LRBA: variants seen among roughly 807,000 people sequenced by gnomAD.
The protein encoded by LRBA is lipopolysaccharide-responsive and beige-like anchor protein.
A neutral mutation model predicts 330.0 loss-of-function variants in LRBA; 176 were observed. The observed-to-expected ratio is 0.53, with a 90% CI of 0.47 to 0.60. The LOEUF (loss-of-function observed/expected upper bound fraction) is 0.60, where lower values mean the gene tolerates loss of function less well. Among genes scored for constraint, LRBA ranks in the 20% least tolerant of loss-of-function variants. The probability of loss-of-function intolerance (pLI) is 0.00; values close to 1 mark genes in which losing one functional copy is unlikely to be tolerated. For missense variants in LRBA, 3,259 were observed against 3,444.8 expected (o/e 0.95, Z 1.35); for synonymous variants, 1,230 against 1,193.0 (o/e 1.03, Z -0.64).
At chr4:150,402,683 C>T (rs1015629639) in intron 47 of LRBA, among the ~76,000 whole-genome samples, 10 of 151,980 alleles carry the variant, frequency 6.6e-5, no homozygotes, top group Middle Eastern at 3.4e-3. Context: ...ATATAATACT[C>T]ACACAACTAT....
Position 150,600,386 on chromosome 4 carries a change from G to C in LRBA, c.5922-1255C>G, listed in dbSNP as rs577669884. On this transcript the variant is annotated intron_variant, in intron 37 of 56. Transcript: ENST00000651943. ...CCCAAGTAAAAGTTACCTTTATTTT[G>C]ATGTTTTAAAGATGTTCTCTTTAAA... Among the ~76,000 whole-genome samples the C allele has an allele frequency of 1.9e-4, 29 of 152,072 alleles. 2 individuals carry two copies. In the South Asian group the frequency reaches 5.6e-3, roughly 29 times the overall value.
intron 40 of LRBA, among the ~76,000 whole-genome samples, chr4:150,561,285 C>T (rs572295909): frequency 6.6e-6 from 1 of 152,188 alleles, no homozygotes; most frequent in Non-Finnish European, 1.5e-5. Context: ...CACTGTATTC[C>T]TTCTAAACCA....
At chr4:150,698,335 A>T (rs1784815327) in intron 36 of LRBA, among the ~76,000 whole-genome samples, 1 of 152,210 alleles carries the variant, frequency 6.6e-6, no homozygotes, top group African/African-American at 2.4e-5. Flanking sequence ...AGATACCATA[A>T]ACTGAAAGCT....
chr4:150,963,181 C>CCTCCCCTTTGCACGGTCCTCGT (rs1243692690), intron 2 of LRBA, among the ~76,000 whole-genome samples: 6 of 148,288 alleles, frequency 4.0e-5, no homozygotes, highest in African/African-American at 1.6e-4. Flanking sequence ...TCCCCCTCCC[C>CCTCCCCTTTGCACGGTCCTCGT]CTCCCCTTTG....
chr4:150,834,658 G>A (rs916271456), intron 28 of LRBA, among the ~76,000 whole-genome samples: 1 of 152,104 alleles, frequency 6.6e-6, no homozygotes, highest in Admixed American at 6.6e-5. Flanking sequence ...ATTCTTAAGG[G>A]TCCGAGGATT....
At chr4:150,977,043 A>G (rs1740260761) in intron 2 of LRBA, among the ~76,000 whole-genome samples, 1 of 152,182 alleles carries the variant, frequency 6.6e-6, no homozygotes, top group South Asian at 2.1e-4. Flanking sequence ...TCTAGGCCAC[A>G]AGGACTGAAA....
At chr4:150,652,604 T>C (rs1779806399) in intron 37 of LRBA, among the ~76,000 whole-genome samples, 2 of 152,318 alleles carry the variant, frequency 1.3e-5, no homozygotes, top group African/African-American at 4.8e-5. Flanking sequence ...ATAAAATTAA[T>C]TCTAATAATA....
At chr4:150,544,222 G>T (rs1765615547) in intron 40 of LRBA, among the ~76,000 whole-genome samples, 1 of 151,864 alleles carries the variant, frequency 6.6e-6, no homozygotes, top group Admixed American at 6.6e-5. Context: ...CCTCCTCCTG[G>T]GTTCCAGTGA....
chr4:150,273,743 C>A (rs1025605777), intron 56 of LRBA, among the ~76,000 whole-genome samples: 2 of 152,092 alleles, frequency 1.3e-5, no homozygotes, highest in Non-Finnish European at 2.9e-5. Flanking sequence ...GTAAAGGGAT[C>A]AATGCAACAA....
chr4:150,426,997 A>T (rs1369126518), intron 46 of LRBA, among the ~76,000 whole-genome samples: 2 of 151,900 alleles, frequency 1.3e-5, no homozygotes, highest in Non-Finnish European at 1.5e-5. Context: ...TATAATTTGG[A>T]AAGAAATAAT....
chr4:150,743,591 T>C (rs1486110332), intron 35 of LRBA, among the ~76,000 whole-genome samples: 1 of 152,202 alleles, frequency 6.6e-6, no homozygotes, highest in African/African-American at 2.4e-5. Context: ...GTGCCAAATC[T>C]AGCCTGCCAA....
At chr4:150,434,678 C>T (rs185616084) in intron 46 of LRBA, among the ~76,000 whole-genome samples, 1 of 151,914 alleles carries the variant, frequency 6.6e-6, no homozygotes, top group East Asian at 1.9e-4. Context: ...ATAGGGAGAC[C>T]CCATCTTTAC....
chr4:150,554,859 G>A (rs556332202), intron 40 of LRBA, among the ~76,000 whole-genome samples: 2 of 152,114 alleles, frequency 1.3e-5, no homozygotes, highest in East Asian at 3.9e-4. Context: ...AAACTCATTA[G>A]GATGGCAAAC....
chr4:150,428,438 G>C (rs1051799404), intron 46 of LRBA, among the ~76,000 whole-genome samples: 1 of 152,002 alleles, frequency 6.6e-6, no homozygotes, highest in Non-Finnish European at 1.5e-5. Flanking sequence ...TTCTCTTGTG[G>C]ACATAAAATC....
intron 46 of LRBA, among the ~76,000 whole-genome samples, chr4:150,415,806 T>C (rs1747654211): frequency 6.6e-6 from 1 of 152,160 alleles, no homozygotes; most frequent in African/African-American, 2.4e-5. Flanking sequence ...TATAAATAAC[T>C]TTCATAGGCT....
At chr4:150,376,469 A>C (rs554365993) in intron 47 of LRBA, among the ~76,000 whole-genome samples, 35 of 152,362 alleles carry the variant, frequency 2.3e-4, no homozygotes, top group African/African-American at 8.2e-4. Context: ...GAGTTCAAGT[A>C]TATACCCTTC....
At chr4:150,887,504 T>C (rs549232661) in intron 17 of LRBA, among the ~76,000 whole-genome samples, 168 of 152,210 alleles carry the variant, frequency 1.1e-3, no homozygotes, top group Non-Finnish European at 1.7e-3. Flanking sequence ...CCGGGTGTGG[T>C]GGCTCACGTC....
At chr4:150,547,971 A>G (rs906145483) in intron 40 of LRBA, among the ~76,000 whole-genome samples, 1 of 152,170 alleles carries the variant, frequency 6.6e-6, no homozygotes, top group Non-Finnish European at 1.5e-5. Flanking sequence ...TTACAATGCC[A>G]GGGAACAAAT....
intron 47 of LRBA, among the ~76,000 whole-genome samples, chr4:150,381,068 C>T (rs781012776): frequency 3.4e-4 from 51 of 151,478 alleles, no homozygotes; most frequent in East Asian, 2.7e-3. Context: ...TTCAACAAGC[C>T]GAATTTAAGT....
Sources: gnomAD v4.1 joint callset for allele counts (sites outside exome capture counted in the v4.1 genomes callset) on GRCh38, gnomAD v4.1.1 for gene constraint, MANE v1.5 for transcripts, NCBI Gene and HGNC (gene_info 2026-07-23, HGNC 2026-07-21) for gene names.